The following OLFM3 variants were observed in gnomAD, a reference collection of about 807,000 sequenced individuals.
The protein encoded by OLFM3 is olfactomedin 3, also known as noelin-3.
In OLFM3, 20 loss-of-function variants were observed where a neutral mutation model predicts 48.6. The ratio of observed to expected loss-of-function variants is 0.41; its 90% CI spans 0.29 to 0.60. The LOEUF is 0.60. Among genes scored for constraint, OLFM3 ranks in the 20% least tolerant of loss-of-function variants. The probability of loss-of-function intolerance (pLI) is 0.28; values close to 1 mark genes in which losing one functional copy is unlikely to be tolerated. For synonymous variants in OLFM3, 222 were observed against 198.1 expected, an observed-to-expected ratio of 1.12 and a Z score of -1.01; for missense variants, 437 against 544.3, an observed-to-expected ratio of 0.80 and a Z score of 1.96.
intron 4 of OLFM3, among the ~76,000 whole-genome samples, chr1:101,808,136 CAT>C (rs34616565): frequency 0.55 from 82,344 of 151,050 alleles, 22,793 homozygotes; most frequent in East Asian, 0.64. Context: ...CGTCATAAAA[CAT>C]GTGATTTTTT....
intron 1 of OLFM3, among the ~76,000 whole-genome samples, chr1:101,862,444 G>T (rs1365233482): frequency 6.6e-6 from 1 of 152,160 alleles, no homozygotes; most frequent in Non-Finnish European, 1.5e-5. Flanking sequence ...ATAAGCAATT[G>T]TTACTCTTAC....
At chr1:101,894,390 A>G (rs899469520) in intron 1 of OLFM3, among the ~76,000 whole-genome samples, 4 of 152,162 alleles carry the variant, frequency 2.6e-5, no homozygotes, top group African/African-American at 9.6e-5. Context: ...TATTTTATAA[A>G]ACAATCTCTT....
chr1:101,806,026 G>A (rs746916449), intron 5 of OLFM3, 50 bp downstream of exon 5: 16 of 1,360,936 alleles, frequency 1.2e-5, no homozygotes, highest in East Asian at 4.6e-5. Context: ...AAGAGAAAAA[G>A]TGTAAGCAGA....
At chr1:101,983,590 C>T (rs540828726) in intron 1 of OLFM3, among the ~76,000 whole-genome samples, 76 of 152,266 alleles carry the variant, frequency 5.0e-4, no homozygotes, top group Non-Finnish European at 7.4e-5. Context: ...AAGTAGTTAC[C>T]ACATAAATGC....
At chr1:101,989,399 T>C (rs1446400510) in intron 1 of OLFM3, among the ~76,000 whole-genome samples, 2 of 152,104 alleles carry the variant, frequency 1.3e-5, no homozygotes, top group Non-Finnish European at 2.9e-5. Context: ...CCTGGCACTG[T>C]AGATAGAGAT....
At chr1:101,958,552 C>T (rs573930524) in intron 1 of OLFM3, among the ~76,000 whole-genome samples, 10 of 151,978 alleles carry the variant, frequency 6.6e-5, no homozygotes, top group South Asian at 2.1e-4. Flanking sequence ...TTAGCTGCAT[C>T]GTAAGTTTCT....
intron 1 of OLFM3, among the ~76,000 whole-genome samples, chr1:101,853,069 T>A (rs1488149693): frequency 6.6e-6 from 1 of 152,082 alleles, no homozygotes; most frequent in Non-Finnish European, 1.5e-5. Flanking sequence ...TCAAATTATG[T>A]TATTCCAGTG....
At chr1:101,884,291 G>A (rs1401944712) in intron 1 of OLFM3, among the ~76,000 whole-genome samples, 1 of 151,922 alleles carries the variant, frequency 6.6e-6, no homozygotes, top group Admixed American at 6.6e-5. Flanking sequence ...ATAATTTAGT[G>A]CCAGCAAAGG....
chr1:101,884,356 G>A (rs1215237980), intron 1 of OLFM3, among the ~76,000 whole-genome samples: 2 of 151,936 alleles, frequency 1.3e-5, no homozygotes, highest in African/African-American at 4.8e-5. Flanking sequence ...GATAACAGGA[G>A]AAGCAACCTC....
chr1:101,855,458 T>A (rs1656376650), intron 1 of OLFM3, among the ~76,000 whole-genome samples: 1 of 152,072 alleles, frequency 6.6e-6, no homozygotes, highest in Non-Finnish European at 1.5e-5. Context: ...CACACTCACC[T>A]CATAGGTATG....
At chr1:101,973,154 A>G (rs1312248495) in intron 1 of OLFM3, among the ~76,000 whole-genome samples, 6 of 152,242 alleles carry the variant, frequency 3.9e-5, no homozygotes, top group East Asian at 1.9e-4. Flanking sequence ...ACTGGCTCAT[A>G]TAATTATAGA....
At chr1:101,932,845 A>G (rs1440572900) in intron 1 of OLFM3, among the ~76,000 whole-genome samples, 11 of 152,134 alleles carry the variant, frequency 7.2e-5, no homozygotes, top group Admixed American at 5.2e-4. Flanking sequence ...ATGGATAGAA[A>G]CAAAGATCAT....
chr1:101,909,910 C>T, intron 1 of OLFM3: 1 of 956,048 alleles, frequency 1.0e-6, no homozygotes, highest in Non-Finnish European at 1.2e-6. Flanking sequence ...CGCTATCTTT[C>T]AAGGCAGACT....
intron 1 of OLFM3, among the ~76,000 whole-genome samples, chr1:101,994,153 A>G (rs1661493632): frequency 6.6e-6 from 1 of 151,450 alleles, no homozygotes; most frequent in African/African-American, 2.4e-5. Flanking sequence ...CAATTTTAAG[A>G]GCTTTCCCAT....
At position 101,860,591 on chromosome 1, in the gene OLFM3, C is replaced by T. The variant is rs927656860; in HGVS notation, c.70-23566G>A. Among the ~76,000 whole-genome samples the T allele has an allele frequency of 2.0e-5, 3 of 152,020 alleles. No homozygotes were observed. The South Asian group carries it at 6.2e-4, about 32-fold the overall frequency. On this transcript the variant is annotated intron_variant, in intron 1 of 5. Transcript: ENST00000370103. ...CTCTTCAATCGTTAAAGAATGTATA[C>T]CTTCCAGCTACTGTTTAGTAATCCC...
chr1:101,813,957 A>G (rs1190084089), intron 4 of OLFM3, among the ~76,000 whole-genome samples: 1 of 152,202 alleles, frequency 6.6e-6, no homozygotes, highest in African/African-American at 2.4e-5. Context: ...CATTAAAAAT[A>G]TTACACTCCA....
At chr1:101,834,060 C>G (rs1655288741) in intron 2 of OLFM3, among the ~76,000 whole-genome samples, 3 of 152,190 alleles carry the variant, frequency 2.0e-5, no homozygotes, top group Admixed American at 2.0e-4. Flanking sequence ...CATACTAAGA[C>G]CTGAAATACT....
At chr1:101,876,638 TAA>T (rs1376496454) in intron 1 of OLFM3, among the ~76,000 whole-genome samples, 3 of 151,992 alleles carry the variant, frequency 2.0e-5, no homozygotes, top group African/African-American at 7.2e-5. Flanking sequence ...AGTATGCAAA[TAA>T]GAGATAATTT....
intron 1 of OLFM3, among the ~76,000 whole-genome samples, chr1:101,841,017 G>T (rs181856380): frequency 5.3e-5 from 8 of 152,078 alleles, no homozygotes; most frequent in South Asian, 2.1e-4. Flanking sequence ...CTAAATAGGA[G>T]AATTAAAATT....
Sources: allele counts gnomAD v4.1 joint callset (sites outside exome capture counted in the v4.1 genomes callset), GRCh38; gene constraint gnomAD v4.1.1; transcripts MANE v1.5; gene names NCBI Gene and HGNC (gene_info 2026-07-23, HGNC 2026-07-21).